Variants in RNF150 observed in about 807,000 individuals in gnomAD.
RNF150 encodes ring finger protein 150.
Under a neutral mutation model 39.3 loss-of-function variants are expected in RNF150, and 24 were observed. The observed-to-expected ratio is 0.61, with a 90% confidence interval of 0.44 to 0.86. RNF150 has a LOEUF of 0.86. Among genes scored for constraint, RNF150 ranks in the 40% least tolerant of loss-of-function variants. The probability of loss-of-function intolerance (pLI) is 0.00; values close to 1 mark genes in which losing one functional copy is unlikely to be tolerated. For missense variants in RNF150, 502 were observed against 587.8 expected (o/e 0.85, Z 1.51); for synonymous variants, 255 against 227.3 (o/e 1.12, Z -1.10).
At chr4:141,111,563 C>T (rs2111061789) in intron 1 of RNF150, among the ~76,000 whole-genome samples, 1 of 152,200 alleles carries the variant, frequency 6.6e-6, no homozygotes, top group South Asian at 2.1e-4. Flanking sequence ...CTAAAGCTTT[C>T]TAATAAGAAT....
chr4:141,201,593 T>C (rs983699366), intron 1 of RNF150, among the ~76,000 whole-genome samples: 6 of 151,138 alleles, frequency 4.0e-5, no homozygotes, highest in Non-Finnish European at 7.4e-5. Context: ...CTCCTCATTG[T>C]CTCCATGAAA....
chr4:141,120,195 T>C (rs1726564840), intron 1 of RNF150, among the ~76,000 whole-genome samples: 1 of 152,178 alleles, frequency 6.6e-6, no homozygotes, highest in Non-Finnish European at 1.5e-5. Flanking sequence ...AATGAAATTA[T>C]ATAGAAATTT....
At chr4:140,990,667 C>T (rs374421899) in intron 1 of RNF150, among the ~76,000 whole-genome samples, 1 of 152,208 alleles carries the variant, frequency 6.6e-6, no homozygotes, top group Non-Finnish European at 1.5e-5. Flanking sequence ...AACATGATCT[C>T]GTTCCTTTTT....
In RNF150 at chr4:141,115,394, T is replaced by C. The variant is rs1739519261; in HGVS notation, c.484+16931A>G. Among the ~76,000 whole-genome samples the C allele has an allele frequency of 2.0e-5, 3 of 152,228 alleles. No individual in the cohort carries two copies. The South Asian group carries it at 6.2e-4, about 32-fold the overall frequency. On this transcript the variant is annotated intron_variant, in intron 1 of 6. Coordinates refer to ENST00000515673, the MANE Select transcript of RNF150 (RefSeq NM_020724.2). ...TCATGAATAAACTCCCATTCACAAT[T>C]GCTACAAAGAGAATAAAATACCTAA...
At chr4:140,956,264 CTTGCTGT>C (rs1372682754) in intron 2 of RNF150, among the ~76,000 whole-genome samples, 2 of 152,174 alleles carry the variant, frequency 1.3e-5, no homozygotes, top group Non-Finnish European at 2.9e-5. Flanking sequence ...AGGAACACCG[CTTGCTGT>C]TTGCCTTGCC....
At chr4:141,099,020 T>C (rs2111030792) in intron 1 of RNF150, among the ~76,000 whole-genome samples, 1 of 152,314 alleles carries the variant, frequency 6.6e-6, no homozygotes, top group Admixed American at 6.5e-5. Flanking sequence ...TCCTGAAATG[T>C]GGCGATTTGG....
intron 5 of RNF150, among the ~76,000 whole-genome samples, chr4:140,916,672 A>G (rs200763697): frequency 6.6e-6 from 1 of 152,186 alleles, no homozygotes; most frequent in Non-Finnish European, 1.5e-5. Context: ...CCAACATTCA[A>G]ATTCAGGAAA....
At chr4:140,969,756 CTTTT>C (rs70946718) in intron 1 of RNF150, among the ~76,000 whole-genome samples, 16 of 75,964 alleles carry the variant, frequency 2.1e-4, no homozygotes, top group Admixed American at 8.2e-4. Context: ...ACAAGTTTTA[CTTTT>C]TTTTTTTTTT....
At chr4:140,994,406 A>AATGATC (rs1734293009) in intron 1 of RNF150, among the ~76,000 whole-genome samples, 1 of 152,168 alleles carries the variant, frequency 6.6e-6, no homozygotes, top group Non-Finnish European at 1.5e-5. Context: ...GTGATAGTAA[A>AATGATC]ATGATCACGA....
At chr4:140,894,706 G>A (rs1275772400) in intron 6 of RNF150, among the ~76,000 whole-genome samples, 1 of 152,134 alleles carries the variant, frequency 6.6e-6, no homozygotes, top group Non-Finnish European at 1.5e-5. Context: ...CACAAACATG[G>A]CCCATGTCCT....
In RNF150 at chr4:141,128,924, G is replaced by A. The variant is rs1369375713; in HGVS notation, c.484+3401C>T. Among the ~76,000 whole-genome samples, 3 of 152,164 alleles carry A rather than the reference G, an allele frequency of 2.0e-5. No individual in the cohort carries two copies. The East Asian group carries it at 5.8e-4, about 29-fold the overall frequency. Reference sequence around the variant, plus strand: ...TGAAAATTTAAAACAAAATGAAGATGCCACTTCACATCCACTTGAATGGGC... The same window carrying A: ...TGAAAATTTAAAACAAAATGAAGATACCACTTCACATCCACTTGAATGGGC... On this transcript the variant is annotated intron_variant, in intron 1 of 6. Transcript: ENST00000515673.
At chr4:141,169,839 A>C (rs1037376708) in intron 1 of RNF150, among the ~76,000 whole-genome samples, 1 of 152,052 alleles carries the variant, frequency 6.6e-6, no homozygotes, top group Non-Finnish European at 1.5e-5. Flanking sequence ...TATCAGAGTC[A>C]TGAGTCATTT....
chr4:140,915,210 TC>T (rs1730770186), intron 5 of RNF150, among the ~76,000 whole-genome samples: 1 of 152,204 alleles, frequency 6.6e-6, no homozygotes, highest in Non-Finnish European at 1.5e-5. Context: ...AGTGAAAAGC[TC>T]TTTTCAATTT....
chr4:140,914,239 T>C (rs1352042671), intron 5 of RNF150, among the ~76,000 whole-genome samples: 2 of 152,180 alleles, frequency 1.3e-5, no homozygotes, highest in African/African-American at 4.8e-5. Context: ...CAAGCACAAA[T>C]AATTTGGCTT....
intron 1 of RNF150, among the ~76,000 whole-genome samples, chr4:141,016,525 G>C (rs1244377065): frequency 6.6e-6 from 1 of 152,362 alleles, no homozygotes; most frequent in East Asian, 1.9e-4. Flanking sequence ...CGCTCTGCGG[G>C]AGCAGTCACA....
At chr4:141,191,143 T>C (rs915171204) in intron 1 of RNF150, among the ~76,000 whole-genome samples, 4 of 152,194 alleles carry the variant, frequency 2.6e-5, no homozygotes, top group African/African-American at 4.8e-5. Flanking sequence ...AGCTGTGAAG[T>C]GGTTGGCCTG....
chr4:141,166,149 C>T (rs1048705101), intron 1 of RNF150, among the ~76,000 whole-genome samples: 4 of 152,028 alleles, frequency 2.6e-5, no homozygotes, highest in African/African-American at 9.7e-5. Flanking sequence ...ATACAAACTA[C>T]CATCAGAGAA....
rs137894670 is a variant in RNF150, at chr4:141,094,526, T to C, written c.484+37799A>G. Among the ~76,000 whole-genome samples, 351 of 152,394 alleles carry C rather than the reference T, an allele frequency of 2.3e-3. 1 individual carries two copies. Among genetic ancestry groups the C allele is most frequent in the African/African-American group, 8.0e-3 (332 of 41,598 alleles). On this transcript the variant is annotated intron_variant, in intron 1 of 6. Coordinates refer to ENST00000515673, the MANE Select transcript of RNF150 (RefSeq NM_020724.2). ...GGCCAATCTCTGTAACATATTCTTA[T>C]TTTGTTGTTACCGTGGTAGTGGATT...
chr4:140,943,713 T>G (rs1377653297), intron 4 of RNF150, among the ~76,000 whole-genome samples: 1 of 152,218 alleles, frequency 6.6e-6, no homozygotes, highest in African/African-American at 2.4e-5. Context: ...CTTTCCACTA[T>G]TCCTGGCACA....
Sources: gnomAD v4.1 joint callset for allele counts (sites outside exome capture counted in the v4.1 genomes callset) on GRCh38, gnomAD v4.1.1 for gene constraint, MANE v1.5 for transcripts, NCBI Gene and HGNC (gene_info 2026-07-23, HGNC 2026-07-21) for gene names.